TOX: variants seen among roughly 807,000 people sequenced by gnomAD.
The protein encoded by TOX is thymocyte selection-associated high mobility group box protein TOX.
TOX carries 11 observed loss-of-function variants against 53.7 expected under a neutral mutation model. The ratio of observed to expected loss-of-function variants is 0.20; its 90% CI spans 0.13 to 0.34. TOX has a LOEUF of 0.34. TOX is among the 10% of genes least tolerant of loss of function. The probability of loss-of-function intolerance (pLI) is 1.00; values close to 1 mark genes in which losing one functional copy is unlikely to be tolerated. For missense variants in TOX, 570 were observed against 664.6 expected (o/e 0.86, Z 1.56); for synonymous variants, 225 against 245.3 (o/e 0.92, Z 0.77).
At chr8:59,000,430 A>T (rs1251437623) in intron 1 of TOX, among the ~76,000 whole-genome samples, 1 of 152,196 alleles carries the variant, frequency 6.6e-6, no homozygotes, top group Non-Finnish European at 1.5e-5. Context: ...TTGGGAAAAA[A>T]ATGAGCTGGA....
intron 1 of TOX, among the ~76,000 whole-genome samples, chr8:58,979,352 T>C (rs887484349): frequency 2.0e-5 from 3 of 152,204 alleles, no homozygotes; most frequent in African/African-American, 7.2e-5. Context: ...TCAGGCTATG[T>C]TGATACAGAA....
Position 58,998,535 on chromosome 8 carries a change from A to AAAC in TOX, c.103-38528_103-38527insGTT, listed in dbSNP as rs1563413558. On this transcript the variant is annotated intron_variant, in intron 1 of 8. Coordinates refer to ENST00000361421, the MANE Select transcript of TOX (RefSeq NM_014729.3). ...TATATATATATATATATATATATAT[A>AAAC]TATAAATTTATATATAATAAATTTA... Among the ~76,000 whole-genome samples, 85 of 12,238 alleles carry AAAC rather than the reference A, an allele frequency of 6.9e-3. 1 individual carries two copies. The highest frequency in any genetic ancestry group is 0.024 in the South Asian group (8 of 330). The allele number at this position is 12,238 out of a possible 152,430, so 8.0% of individuals were successfully genotyped here.
chr8:58,832,137 A>C (rs1469431155), intron 5 of TOX, among the ~76,000 whole-genome samples: 1 of 147,080 alleles, frequency 6.8e-6, no homozygotes, highest in Admixed American at 7.0e-5. Flanking sequence ...TGTAATATAT[A>C]TAATATATGT....
At chr8:58,975,669 A>T (rs1813083695) in intron 1 of TOX, among the ~76,000 whole-genome samples, 1 of 152,204 alleles carries the variant, frequency 6.6e-6, no homozygotes, top group Non-Finnish European at 1.5e-5. Context: ...CTGAGCCTTC[A>T]GCAAGTCATA....
At chr8:59,069,061 G>C (rs911089555) in intron 1 of TOX, among the ~76,000 whole-genome samples, 1 of 152,176 alleles carries the variant, frequency 6.6e-6, no homozygotes, top group African/African-American at 2.4e-5. Flanking sequence ...GGGCTCCTGC[G>C]ACATGGCCAG....
At position 58,903,832 on chromosome 8, in the gene TOX, A is replaced by C. The variant is rs140252135; in HGVS notation, c.411+35470T>G. Reference sequence around the variant, plus strand: ...AGATATTTAATTAATGAATGGCCCAAAGTTACAGAAATATATAATATCAGA... The same window carrying C: ...AGATATTTAATTAATGAATGGCCCACAGTTACAGAAATATATAATATCAGA... On this transcript the variant is annotated intron_variant, in intron 3 of 8. Coordinates refer to ENST00000361421, the MANE Select transcript of TOX (RefSeq NM_014729.3). Among the ~76,000 whole-genome samples the C allele has an allele frequency of 2.0e-3, 300 of 152,260 alleles. 1 individual carries two copies. The highest frequency in any genetic ancestry group is 6.9e-3 in the African/African-American group (285 of 41,552).
intron 3 of TOX, among the ~76,000 whole-genome samples, chr8:58,876,200 G>A (rs1811280486): frequency 6.6e-6 from 1 of 151,658 alleles, no homozygotes; most frequent in Non-Finnish European, 1.5e-5. Flanking sequence ...TGTATTAAGG[G>A]GAAGCTATGT....
chr8:59,075,585 A>T (rs1465686122), intron 1 of TOX, among the ~76,000 whole-genome samples: 1 of 152,166 alleles, frequency 6.6e-6, no homozygotes, highest in Non-Finnish European at 1.5e-5. Context: ...TTCTCTTGCC[A>T]ATCTGTCTTT....
At chr8:58,982,656 G>A (rs1813226816) in intron 1 of TOX, among the ~76,000 whole-genome samples, 1 of 152,060 alleles carries the variant, frequency 6.6e-6, no homozygotes, top group Admixed American at 6.5e-5. Context: ...CCAATCTATG[G>A]TCTTCTCACC....
At chr8:58,871,436 T>C (rs940274320) in intron 3 of TOX, among the ~76,000 whole-genome samples, 1 of 152,112 alleles carries the variant, frequency 6.6e-6, no homozygotes. Flanking sequence ...TGGGGGAATC[T>C]CAGGATGAAA....
chr8:58,876,354 G>A (rs7003713), intron 3 of TOX, among the ~76,000 whole-genome samples: 32,743 of 151,994 alleles, frequency 0.22, 3,799 homozygotes, highest in African/African-American at 0.29. Flanking sequence ...AAAATGTGTT[G>A]TGATTTGATG....
chr8:58,982,583 A>G (rs1257507455), intron 1 of TOX, among the ~76,000 whole-genome samples: 1 of 152,106 alleles, frequency 6.6e-6, no homozygotes, highest in Non-Finnish European at 1.5e-5. Context: ...ATCCTTCTCT[A>G]TTCTTTGCAT....
intron 1 of TOX, among the ~76,000 whole-genome samples, chr8:59,013,260 T>G (rs1471782917): frequency 6.6e-6 from 1 of 152,206 alleles, no homozygotes; most frequent in Non-Finnish European, 1.5e-5. Flanking sequence ...TTCAGCAACA[T>G]CTTATTCTGG....
At chr8:58,869,833 A>T (rs1334070312) in intron 3 of TOX, among the ~76,000 whole-genome samples, 1 of 152,144 alleles carries the variant, frequency 6.6e-6, no homozygotes, top group Non-Finnish European at 1.5e-5. Context: ...CTATATGATC[A>T]TATCTATAGA....
chr8:59,013,434 G>T lies in TOX; in HGVS notation c.103-53426C>A, dbSNP rs537855140. Among the ~76,000 whole-genome samples the T allele has an allele frequency of 9.7e-5, 14 of 144,770 alleles. No individual in the cohort carries two copies. The East Asian group carries it at 2.6e-3, about 27-fold the overall frequency. 95.0% of individuals were successfully genotyped at this position (144,770 alleles called of 152,430 possible). A position where few individuals can be genotyped will look rare whatever the true frequency, so the allele number is the denominator to read the frequency against. On this transcript the variant is annotated intron_variant, in intron 1 of 8. Transcript: ENST00000361421. ...AGGCCTTTTTTTTTTTTCTTGAGAC[G>T]AAGTCTGCCTCTGTTGCCCAAGCTG...
intron 3 of TOX, among the ~76,000 whole-genome samples, chr8:58,876,806 C>G (rs185066814): frequency 3.0e-4 from 45 of 152,288 alleles, no homozygotes; most frequent in Non-Finnish European, 4.9e-4. Flanking sequence ...ATGCCAAGCA[C>G]TCTGCTGGTG....
chr8:59,018,741 T>C (rs1053603834), intron 1 of TOX, among the ~76,000 whole-genome samples: 1 of 152,120 alleles, frequency 6.6e-6, no homozygotes, highest in Non-Finnish European at 1.5e-5. Flanking sequence ...ACCTGAAAGT[T>C]TGAACTTTTC....
intron 1 of TOX, among the ~76,000 whole-genome samples, chr8:59,060,833 C>G (rs546344225): frequency 6.6e-6 from 1 of 152,260 alleles, no homozygotes; most frequent in South Asian, 2.1e-4. Flanking sequence ...CAGAGACTGA[C>G]TATACTTGCC....
chr8:59,007,099 C>A (rs1022824792), intron 1 of TOX, among the ~76,000 whole-genome samples: 5 of 152,176 alleles, frequency 3.3e-5, no homozygotes, highest in Admixed American at 2.0e-4. Context: ...CTGTGCCTAA[C>A]AATAGTGTAT....
Sources: allele counts gnomAD v4.1 joint callset (sites outside exome capture counted in the v4.1 genomes callset), GRCh38; gene constraint gnomAD v4.1.1; transcripts MANE v1.5; gene names NCBI Gene and HGNC (gene_info 2026-07-23, HGNC 2026-07-21).